Variants in CSMD1 observed in about 807,000 individuals in gnomAD.
The protein encoded by CSMD1 is CUB and sushi domain-containing protein 1.
Under a neutral mutation model 417.5 loss-of-function variants are expected in CSMD1, and 213 were observed. The observed-to-expected ratio is 0.51, with a 90% CI of 0.46 to 0.57. The LOEUF is 0.57. CSMD1 is among the 20% of genes least tolerant of loss of function. The probability of loss-of-function intolerance (pLI) is 0.00; values close to 1 mark genes in which losing one functional copy is unlikely to be tolerated. For missense variants in CSMD1, 6,923 were observed against 4,529.7 expected (o/e 1.53, Z -15.17); for synonymous variants, 2,862 against 1,736.8 (o/e 1.65, Z -16.11).
At chr8:3,316,678 A>G (rs186859870) in intron 23 of CSMD1, among the ~76,000 whole-genome samples, 5 of 152,266 alleles carry the variant, frequency 3.3e-5, no homozygotes, top group African/African-American at 1.2e-4. Flanking sequence ...GCTTCCTTTT[A>G]AACGTGTGGC....
intron 7 of CSMD1, among the ~76,000 whole-genome samples, chr8:3,654,985 T>A (rs1205218894): frequency 6.6e-6 from 1 of 152,182 alleles, no homozygotes; most frequent in Non-Finnish European, 1.5e-5. Context: ...AAATGCCAGG[T>A]GTGAAGAAAG....
At chr8:2,963,737 G>A (rs1301580036) in intron 59 of CSMD1, among the ~76,000 whole-genome samples, 1 of 152,204 alleles carries the variant, frequency 6.6e-6, no homozygotes, top group Non-Finnish European at 1.5e-5. Flanking sequence ...CAATTCGAAT[G>A]AGGATTTGGT....
At chr8:4,857,705 C>G (rs1801885746) in intron 1 of CSMD1, among the ~76,000 whole-genome samples, 1 of 151,960 alleles carries the variant, frequency 6.6e-6, no homozygotes, top group South Asian at 2.1e-4. Context: ...TCTCCCAAGA[C>G]TAAACCAGGA....
At chr8:4,837,289 C>G (rs930470697) in intron 1 of CSMD1, among the ~76,000 whole-genome samples, 1 of 152,178 alleles carries the variant, frequency 6.6e-6, no homozygotes, top group African/African-American at 2.4e-5. Context: ...AAGAGATAAT[C>G]TGCACTTCTA....
intron 22 of CSMD1, among the ~76,000 whole-genome samples, chr8:3,345,433 C>T (rs549164567): frequency 6.6e-6 from 1 of 151,962 alleles, no homozygotes; most frequent in Non-Finnish European, 1.5e-5. Context: ...GAACATGGAA[C>T]ACTCCCCTGT....
At chr8:4,066,658 A>G (rs1411954309) in intron 3 of CSMD1, among the ~76,000 whole-genome samples, 1 of 152,206 alleles carries the variant, frequency 6.6e-6, no homozygotes, top group African/African-American at 2.4e-5. Flanking sequence ...GTTTTTGCTC[A>G]TCAAACCAAG....
At chr8:4,097,184 G>C (rs539180597) in intron 3 of CSMD1, among the ~76,000 whole-genome samples, 2 of 152,064 alleles carry the variant, frequency 1.3e-5, no homozygotes, top group Non-Finnish European at 2.9e-5. Flanking sequence ...TGCTCAATAA[G>C]CAATTGCTGA....
At chr8:3,069,973 G>A (rs1441371837) in intron 49 of CSMD1, among the ~76,000 whole-genome samples, 1 of 152,218 alleles carries the variant, frequency 6.6e-6, no homozygotes, top group Admixed American at 6.5e-5. Context: ...CCACACGGAA[G>A]CTGTCAAGGT....
intron 1 of CSMD1, among the ~76,000 whole-genome samples, chr8:4,841,930 A>AAAAAAAAAAAATAAAAAACAAAAC (rs1192383183): frequency 8.2e-6 from 1 of 122,426 alleles, no homozygotes. Context: ...AAAAAAAAAA[A>AAAAAAAAAAAATAAAAAACAAAAC]AAAAAAAAGT....
intron 25 of CSMD1, among the ~76,000 whole-genome samples, chr8:3,305,751 C>A (rs1366673836): frequency 6.6e-6 from 1 of 152,198 alleles, no homozygotes; most frequent in African/African-American, 2.4e-5. Flanking sequence ...ACGATCTCAG[C>A]TCACTGCAGG....
chr8:3,433,108 G>C (rs1201404881), intron 12 of CSMD1, among the ~76,000 whole-genome samples: 1 of 152,202 alleles, frequency 6.6e-6, no homozygotes. Flanking sequence ...GTTTTATACA[G>C]AGATTGGAAG....
At chr8:4,147,873 G>T (rs548412696) in intron 3 of CSMD1, among the ~76,000 whole-genome samples, 2 of 152,102 alleles carry the variant, frequency 1.3e-5, no homozygotes, top group Admixed American at 6.5e-5. Flanking sequence ...GAGCTTCATG[G>T]AATCAGGGGC....
intron 1 of CSMD1, among the ~76,000 whole-genome samples, chr8:4,991,833 C>A (rs1481817066): frequency 6.6e-6 from 1 of 152,212 alleles, no homozygotes; most frequent in Non-Finnish European, 1.5e-5. Flanking sequence ...CTTCCCAGGC[C>A]GGTACAGGAG....
intron 1 of CSMD1, among the ~76,000 whole-genome samples, chr8:4,652,495 C>G (rs12115079): frequency 0.043 from 6,544 of 151,942 alleles, 202 homozygotes; most frequent in South Asian, 0.089. Context: ...CCGAGCCTGC[C>G]GAGACAGATT....
intron 1 of CSMD1, among the ~76,000 whole-genome samples, chr8:4,942,409 A>C (rs1808067719): frequency 6.6e-6 from 1 of 152,170 alleles, no homozygotes; most frequent in Non-Finnish European, 1.5e-5. Flanking sequence ...GTTGTACTGG[A>C]GGAATTCACA....
chr8:3,760,196 A>G (rs1797915292), intron 5 of CSMD1, among the ~76,000 whole-genome samples: 1 of 152,206 alleles, frequency 6.6e-6, no homozygotes, highest in South Asian at 2.1e-4. Flanking sequence ...CTAGGTCAGG[A>G]AACCCACAAA....
At chr8:4,760,771 C>A (rs1292620452) in intron 1 of CSMD1, among the ~76,000 whole-genome samples, 2 of 151,990 alleles carry the variant, frequency 1.3e-5, no homozygotes, top group African/African-American at 4.8e-5. Flanking sequence ...AGTTTTAGAA[C>A]TAAATTTAGA....
chr8:3,265,406 G>T (rs542739672), intron 26 of CSMD1, among the ~76,000 whole-genome samples: 1 of 152,142 alleles, frequency 6.6e-6, no homozygotes, highest in Non-Finnish European at 1.5e-5. Context: ...AGGGGGGAGT[G>T]TAAGAATCAT....
intron 4 of CSMD1, among the ~76,000 whole-genome samples, chr8:4,002,865 A>C (rs1395813250): frequency 6.6e-6 from 1 of 152,236 alleles, no homozygotes; most frequent in Non-Finnish European, 1.5e-5. Context: ...GAATGTATTA[A>C]ATAATGGGTA....
Sources: gnomAD v4.1 joint callset for allele counts (sites outside exome capture counted in the v4.1 genomes callset) on GRCh38, gnomAD v4.1.1 for gene constraint, MANE v1.5 for transcripts, NCBI Gene and HGNC (gene_info 2026-07-23, HGNC 2026-07-21) for gene names.